Variants in IFTAP observed in about 807,000 individuals in gnomAD.
IFTAP encodes intraflagellar transport associated protein.
A neutral mutation model predicts 19.4 loss-of-function variants in IFTAP; 19 were observed. The observed-to-expected ratio is 0.98, with a 90% CI of 0.68 to 1.44. IFTAP has a LOEUF of 1.44. Among genes scored for constraint, IFTAP ranks in the 40% most tolerant of loss-of-function variants. The pLI, the probability that IFTAP is intolerant of heterozygous loss-of-function variation, is 0.00. For synonymous variants in IFTAP, 85 were observed against 83.5 expected (o/e 1.02, Z -0.10); for missense variants, 240 against 253.6 (o/e 0.95, Z 0.36).
At chr11:36,627,442 G>T (rs1410455578) in intron 2 of IFTAP, among the ~76,000 whole-genome samples, 1 of 151,270 alleles carries the variant, frequency 6.6e-6, no homozygotes, top group Non-Finnish European at 1.5e-5. Context: ...GTGTCCTTGT[G>T]ATCCTGGGTT....
intron 4 of IFTAP, among the ~76,000 whole-genome samples, chr11:36,642,760 A>C (rs986699247): frequency 3.3e-5 from 5 of 152,216 alleles, no homozygotes; most frequent in African/African-American, 4.8e-5. Context: ...CAAAAACCAC[A>C]TGGTTATCTC....
At chr11:36,641,610 C>G (rs949840348) in intron 4 of IFTAP, among the ~76,000 whole-genome samples, 38 of 152,168 alleles carry the variant, frequency 2.5e-4, no homozygotes, top group African/African-American at 8.2e-4. Flanking sequence ...ATCCTGAGTT[C>G]TAGTTTGATT....
At chr11:36,626,578 A>G (rs1852522840) in intron 2 of IFTAP, among the ~76,000 whole-genome samples, 1 of 151,326 alleles carries the variant, frequency 6.6e-6, no homozygotes, top group African/African-American at 2.5e-5. Flanking sequence ...AACTGTGAGT[A>G]AGTTCCTGAC....
chr11:36,646,232 C>G (rs1853476476), intron 4 of IFTAP, among the ~76,000 whole-genome samples: 1 of 152,162 alleles, frequency 6.6e-6, no homozygotes, highest in Non-Finnish European at 1.5e-5. Context: ...GCGCTGAAAG[C>G]AGAATTGATT....
At chr11:36,618,237 G>C (rs114291639) in intron 2 of IFTAP, among the ~76,000 whole-genome samples, 1,631 of 151,930 alleles carry the variant, frequency 0.011, 27 homozygotes, top group African/African-American at 0.038. Context: ...AGGTCATAAG[G>C]GTGGGCCCCA....
intron 2 of IFTAP, among the ~76,000 whole-genome samples, chr11:36,617,381 T>C (rs1852133832): frequency 6.6e-6 from 1 of 151,766 alleles, no homozygotes; most frequent in African/African-American, 2.4e-5. Context: ...TATGAAAGTA[T>C]AGATTTCCAG....
intron 4 of IFTAP, among the ~76,000 whole-genome samples, chr11:36,644,165 A>C (rs1853362744): frequency 2.0e-5 from 3 of 152,208 alleles, no homozygotes; most frequent in Admixed American, 2.0e-4. Flanking sequence ...AAAAACAAAC[A>C]ACCCCATCAA....
intron 1 of IFTAP, among the ~76,000 whole-genome samples, chr11:36,601,639 A>T (rs1224585298): frequency 6.6e-6 from 1 of 151,984 alleles, no homozygotes; most frequent in Admixed American, 6.6e-5. Flanking sequence ...GATTCTTTTT[A>T]TTTTTTATTT....
chr11:36,615,928 A>G (rs1336640087), intron 2 of IFTAP, among the ~76,000 whole-genome samples: 1 of 151,942 alleles, frequency 6.6e-6, no homozygotes. Context: ...GAAAAAGGCA[A>G]TTTCTTTTAA....
At chr11:36,646,094 A>G (rs970167517) in intron 4 of IFTAP, among the ~76,000 whole-genome samples, 3 of 152,202 alleles carry the variant, frequency 2.0e-5, no homozygotes, top group African/African-American at 7.2e-5. Context: ...AATTATTATG[A>G]AAGAAACCAT....
chr11:36,651,693 A>G (rs1367816704), intron 5 of IFTAP, among the ~76,000 whole-genome samples: 2 of 152,204 alleles, frequency 1.3e-5, no homozygotes, highest in African/African-American at 2.4e-5. Context: ...TAGGTCTAAC[A>G]TTTAAATCTT....
At chr11:36,638,035 C>A (rs1226531395) in intron 4 of IFTAP, among the ~76,000 whole-genome samples, 1 of 151,960 alleles carries the variant, frequency 6.6e-6, no homozygotes, top group African/African-American at 2.4e-5. Context: ...TGCATGCTGC[C>A]ATGCCTGGCT....
At chr11:36,656,667 A>G (rs181754390) in intron 5 of IFTAP, among the ~76,000 whole-genome samples, 1 of 151,958 alleles carries the variant, frequency 6.6e-6, no homozygotes, top group African/African-American at 2.4e-5. Context: ...AAAGCACGTG[A>G]TACTGAAATC....
chr11:36,635,997 C>A, intron 3 of IFTAP, 54 bp from the exon 4 acceptor site: 1 of 1,199,842 alleles, frequency 8.3e-7, no homozygotes, highest in Non-Finnish European at 1.2e-6. Context: ...CTTTTCACTG[C>A]AGTTTTTCTT....
chr11:36,599,110 C>T (rs929813616), intron 1 of IFTAP, among the ~76,000 whole-genome samples: 2 of 152,170 alleles, frequency 1.3e-5, no homozygotes, highest in Non-Finnish European at 2.9e-5. Context: ...TCTCCTACCT[C>T]AGCCTCCCGA....
chr11:36,611,255 G>A lies in IFTAP; in HGVS notation c.136+1016G>A, dbSNP rs141868827. Among the ~76,000 whole-genome samples the A allele has an allele frequency of 7.9e-5, 12 of 152,070 alleles. No individual in the cohort carries two copies. In the East Asian group the frequency reaches 2.1e-3, roughly 27 times the overall value. ...CTTGCTCTCAACCTTGATCCTTTCT[G>A]GGTCATTGATCCACATTTTTGAGAC... On this transcript the variant is annotated intron_variant, in intron 2 of 5. Coordinates refer to ENST00000334307, the MANE Select transcript of IFTAP (RefSeq NM_138787.4).
At chr11:36,643,548 T>G (rs1853328074) in intron 4 of IFTAP, among the ~76,000 whole-genome samples, 1 of 152,238 alleles carries the variant, frequency 6.6e-6, no homozygotes, top group South Asian at 2.1e-4. Context: ...AAGACAATCC[T>G]AAGCCAAAAG....
At chr11:36,654,146 A>G (rs369337580) in intron 5 of IFTAP, among the ~76,000 whole-genome samples, 9 of 152,042 alleles carry the variant, frequency 5.9e-5, no homozygotes, top group African/African-American at 1.9e-4. Flanking sequence ...CTTGGCTTCA[A>G]TTGCCTGCTT....
intron 2 of IFTAP, among the ~76,000 whole-genome samples, chr11:36,614,461 A>G (rs2133388909): frequency 6.7e-6 from 1 of 149,116 alleles, no homozygotes; most frequent in Non-Finnish European, 1.5e-5. Context: ...GTTAAATGGT[A>G]TTTCTAGTTC....
Sources: allele counts gnomAD v4.1 joint callset (sites outside exome capture counted in the v4.1 genomes callset), GRCh38; gene constraint gnomAD v4.1.1; transcripts MANE v1.5; gene names NCBI Gene and HGNC (gene_info 2026-07-23, HGNC 2026-07-21).